The following AFDN variants were observed in gnomAD, a reference collection of about 807,000 sequenced individuals.
AFDN encodes the protein afadin.
Under a neutral mutation model 216.6 loss-of-function variants are expected in AFDN, and 68 were observed. That is an observed-to-expected ratio of 0.31 (90% confidence interval 0.26 to 0.38). The LOEUF (loss-of-function observed/expected upper bound fraction) is 0.38. Among genes scored for constraint, AFDN ranks in the 10% least tolerant of loss-of-function variants. The pLI is 1.00. For synonymous variants in AFDN, 868 were observed against 853.7 expected, an observed-to-expected ratio of 1.02 and a Z score of -0.29; for missense variants, 2,136 against 2,342.0, an observed-to-expected ratio of 0.91 and a Z score of 1.82.
At chr6:167,828,538 T>C (rs926284467) in intron 1 of AFDN, among the ~76,000 whole-genome samples, 2 of 152,248 alleles carry the variant, frequency 1.3e-5, no homozygotes, top group East Asian at 3.8e-4. Context: ...TTACTCCTGA[T>C]TCATTCATCT....
Position 167,899,068 on chromosome 6 carries a change from C to A in AFDN, c.1580+601C>A, listed in dbSNP as rs374667575. Among the ~76,000 whole-genome samples, 5 of 152,110 alleles carry A rather than the reference C, an allele frequency of 3.3e-5. No homozygotes were observed. The East Asian group carries it at 7.7e-4, about 23-fold the overall frequency. On this transcript the variant is annotated intron_variant, in intron 11 of 33. Coordinates refer to ENST00000683244, the MANE Select transcript of AFDN (RefSeq NM_001386888.1). ...ATGCTGCTTAAAACAACTGAAAACT[C>A]CCCTAGATTGTAGGCTTTCTTCCTG...
chr6:167,831,239 C>G (rs1166753682), intron 1 of AFDN, among the ~76,000 whole-genome samples: 2 of 152,014 alleles, frequency 1.3e-5, no homozygotes, highest in Non-Finnish European at 2.9e-5. Context: ...GCCTGGCTGT[C>G]AATAGTTGTA....
At chr6:167,949,462 G>T (rs546972788) in intron 29 of AFDN, among the ~76,000 whole-genome samples, 1 of 152,278 alleles carries the variant, frequency 6.6e-6, no homozygotes, top group East Asian at 1.9e-4. Flanking sequence ...GGCAGAAAAT[G>T]CTCCTCAGGC....
intron 12 of AFDN, among the ~76,000 whole-genome samples, chr6:167,906,687 A>C (rs1407701793): frequency 6.6e-6 from 1 of 152,152 alleles, no homozygotes; most frequent in South Asian, 2.1e-4. Flanking sequence ...GGTGTTGATT[A>C]AGGGCAAGAA....
At chr6:167,856,148 G>A (rs369748604) in intron 1 of AFDN, among the ~76,000 whole-genome samples, 75 of 152,192 alleles carry the variant, frequency 4.9e-4, no homozygotes, top group Non-Finnish European at 9.6e-4. Flanking sequence ...AGACTGCTGC[G>A]CTGCCACAGA....
At position 167,936,244 on chromosome 6, in the gene AFDN, G is replaced by A. The variant is rs140334764; in HGVS notation, c.3100-6885G>A. On this transcript the variant is annotated intron_variant, in intron 23 of 33. Coordinates refer to ENST00000683244, the MANE Select transcript of AFDN (RefSeq NM_001386888.1). Reference sequence around the variant, plus strand: ...ACTGAACAGCACAGTGTTTAATGCCGTTTCACTAGTATTCTTGGAACTGTT... The same window carrying A: ...ACTGAACAGCACAGTGTTTAATGCCATTTCACTAGTATTCTTGGAACTGTT... Among the ~76,000 whole-genome samples the A allele has an allele frequency of 2.4e-3, 362 of 152,216 alleles. 4 individuals carry two copies. Among genetic ancestry groups the A allele is most frequent in the African/African-American group, 7.6e-3 (315 of 41,520 alleles).
chr6:167,905,844 G>C (rs892161032), intron 12 of AFDN, among the ~76,000 whole-genome samples: 1 of 152,122 alleles, frequency 6.6e-6, no homozygotes, highest in South Asian at 2.1e-4. Context: ...GGTGGCTCAC[G>C]CCTATAATCC....
In AFDN at chr6:167,918,715, T is replaced by G. The variant is rs1478456025; in HGVS notation, c.2710-20T>G. ...GGCAGTGAGCATCTCTTTTTAATTT[T>G]GCGTTTGTTTTCCAAACAGGATCTT... On this transcript the variant is annotated intron_variant, in intron 20 of 33. Transcript: ENST00000683244. 1 of 1,613,252 alleles carries G rather than the reference T, an allele frequency of 6.2e-7. No individual in the cohort carries two copies. Among genetic ancestry groups the G allele is most frequent in the Admixed American group, 1.7e-5 (1 of 60,016 alleles).
rs562302204 is a variant in AFDN at position 167,950,854 on chromosome 6, C to CT, written c.3832-313dup. Among the ~76,000 whole-genome samples the CT allele has an allele frequency of 7.5e-3, 961 of 127,366 alleles. 5 individuals are homozygous for CT. The highest frequency in any genetic ancestry group is 0.013 in the African/African-American group (442 of 34,486). 83.6% of individuals were successfully genotyped at this position (127,366 alleles called of 152,430 possible). A position where few individuals can be genotyped will look rare whatever the true frequency, so the allele number is the denominator to read the frequency against. On this transcript the variant is annotated intron_variant, in intron 29 of 33. Coordinates refer to ENST00000683244, the MANE Select transcript of AFDN (RefSeq NM_001386888.1). ...GAGAAAGTACAGCTTTGCTTTTTTG[C>CT]TTTTTTTTTTTTTTTTTTTAAATTT...
At chr6:167,857,348 C>T (rs143606159) in intron 1 of AFDN, among the ~76,000 whole-genome samples, 2 of 152,078 alleles carry the variant, frequency 1.3e-5, no homozygotes, top group Non-Finnish European at 1.5e-5. Flanking sequence ...TTTTTCACCA[C>T]GTTATTGTGT....
At position 167,914,189 on chromosome 6, in the gene AFDN, G is replaced by T; in HGVS notation, c.2080G>T (p.Ala694Ser). The T allele has an allele frequency of 1.9e-6, 3 of 1,614,060 alleles. No individual in the cohort carries two copies. The highest frequency in any genetic ancestry group is 2.5e-6 in the Non-Finnish European group (3 of 1,179,984). Residue 694 changes from alanine (A) to serine (S), a missense_variant, in exon 17 of 34, where the codon GCA becomes TCA. Transcript: ENST00000683244. Reference protein sequence around the residue: ...VDQKQKNIAGALAFWMANASE... With the variant: ...VDQKQKNIAGSLAFWMANASE... ...ACAGAAACAGAAGAATATTGCAGGGGCACTTGCCTTCTGGATGGCAAATGC... is the reference window on the plus strand; with the variant it reads ...ACAGAAACAGAAGAATATTGCAGGGTCACTTGCCTTCTGGATGGCAAATGC...
At chr6:167,868,762 C>T (rs796572158) in intron 2 of AFDN, among the ~76,000 whole-genome samples, 38 of 122,532 alleles carry the variant, frequency 3.1e-4, no homozygotes, top group African/African-American at 5.6e-4. Context: ...ATTGTGCAAT[C>T]TTTTTTTTTT....
intron 13 of AFDN, among the ~76,000 whole-genome samples, chr6:167,910,489 C>T (rs1790246290): frequency 6.6e-6 from 1 of 152,130 alleles, no homozygotes; most frequent in South Asian, 2.1e-4. Flanking sequence ...TGTGTAGTGT[C>T]AGGCTAAATG....
chr6:167,870,492 T>C lies in AFDN; in HGVS notation c.408T>C (p.Pro136=), dbSNP rs1413206123. 4 of 1,602,522 alleles carry C rather than the reference T, an allele frequency of 2.5e-6. No individual in the cohort carries two copies. In the South Asian group the frequency reaches 4.5e-5, roughly 18 times the overall value. ...TTAAGAATGAGAATGACGCCATTCC[T>C]CCTAAGGTAGGAACCCTCAGTATTT... is the stretch of plus-strand genomic sequence containing the variant. ...FVLKNENDAI[P]PKKAQSNGPE... The change falls in exon 3 of 34, where the codon CCT becomes CCC. Residue 136 remains proline, a synonymous_variant. Transcript: ENST00000683244.
intron 32 of AFDN, chr6:167,966,249 T>G: frequency 1.3e-6 from 2 of 1,525,174 alleles, no homozygotes; most frequent in Non-Finnish European, 8.8e-7. Flanking sequence ...ATCCAGCTCC[T>G]ACCATCCCAG....
At chr6:167,879,878 A>G (rs1375408550) in intron 5 of AFDN, among the ~76,000 whole-genome samples, 1 of 152,112 alleles carries the variant, frequency 6.6e-6, no homozygotes, top group East Asian at 1.9e-4. Flanking sequence ...TTAAAAATGG[A>G]TTTATTTAGT....
chr6:167,906,396 C>T (rs972257004), intron 12 of AFDN, among the ~76,000 whole-genome samples: 4 of 152,130 alleles, frequency 2.6e-5, no homozygotes, highest in African/African-American at 7.2e-5. Flanking sequence ...GAAAGACGTA[C>T]AGTACAGTAA....
At chr6:167,958,539 G>A (rs1335475810) in intron 30 of AFDN, among the ~76,000 whole-genome samples, 1 of 152,170 alleles carries the variant, frequency 6.6e-6, no homozygotes, top group Non-Finnish European at 1.5e-5. Flanking sequence ...CGTTTTAATG[G>A]ATCATCTGCT....
intron 4 of AFDN, 28 bp from the exon 5 acceptor site, chr6:167,875,307 A>C: frequency 6.3e-7 from 1 of 1,591,992 alleles, no homozygotes; most frequent in Non-Finnish European, 8.5e-7. Context: ...AGTGTTTAAA[A>C]TATTTTTGGT....
Sources: gnomAD v4.1 joint callset for allele counts (sites outside exome capture counted in the v4.1 genomes callset) on GRCh38, gnomAD v4.1.1 for gene constraint, MANE v1.5 for transcripts, NCBI Gene and HGNC (gene_info 2026-07-23, HGNC 2026-07-21) for gene names.